MFSD6: variants seen among roughly 807,000 people sequenced by gnomAD.
The protein encoded by MFSD6 is major facilitator superfamily domain containing 6, also known as major facilitator superfamily domain-containing protein 6.
Under a neutral mutation model 56.3 loss-of-function variants are expected in MFSD6, and 26 were observed. That is an observed-to-expected ratio of 0.46 (90% CI 0.34 to 0.64). The LOEUF is 0.64. Ranked by LOEUF, MFSD6 falls within the 30% of genes least tolerant of loss-of-function variation. The pLI is 0.01. For synonymous variants in MFSD6, 331 were observed against 366.9 expected (o/e 0.90, Z 1.12); for missense variants, 750 against 986.2 (o/e 0.76, Z 3.21).
chr2:190,476,805 A>G (rs1392056874), intron 4 of MFSD6, among the ~76,000 whole-genome samples: 114 of 152,158 alleles, frequency 7.5e-4, no homozygotes, highest in Non-Finnish European at 2.2e-4. Context: ...GAACCAACCC[A>G]TATGTCCAAC....
In MFSD6 at chr2:190,471,223, G is replaced by T. The variant is rs1006580338; in HGVS notation, c.1630+1368G>T. ...CTGAGGTACCGGGTTCATCTCACTG[G>T]GGATTGTCAGGCAGTGGGTGCAGGA... On this transcript the variant is annotated intron_variant, in intron 4 of 7. Transcript: ENST00000392328. The surrounding 1 kb of genome is among the most constrained non-coding windows in gnomAD (Gnocchi z 4.7). Among the ~76,000 whole-genome samples the T allele has an allele frequency of 1.3e-5, 2 of 152,190 alleles. No homozygotes were observed. Among genetic ancestry groups the T allele is most frequent in the South Asian group, 4.1e-4 (2 of 4,826 alleles).
chr2:190,408,910 C>G lies in MFSD6; in HGVS notation c.-176+407C>G, dbSNP rs980971510. 2.0e-5 allele frequency among the ~76,000 whole-genome samples: 3 copies of G among 152,156 alleles called. No homozygotes were observed. In the East Asian group the frequency reaches 5.8e-4, roughly 29 times the overall value. ...GGGACGGAGGGTGAGCGCCGATGCC[C>G]GGGTCCTCCTCCGCCCGGGCCGACC... On this transcript the variant is annotated intron_variant, in intron 1 of 7. Transcript: ENST00000392328.
chr2:190,499,926 T>G lies in MFSD6; in HGVS notation c.2173-89T>G. 1 of 1,590,806 alleles carries G rather than the reference T, an allele frequency of 6.3e-7. No homozygotes were observed. The highest frequency in any genetic ancestry group is 8.6e-7 in the Non-Finnish European group (1 of 1,164,206). ...TGGGCACTTCCGGATGATCTCCCCA[T>G]GTTTCCTGTCTTACTTGAAAGCATA... On this transcript the variant is annotated intron_variant, in intron 7 of 7. Coordinates refer to ENST00000392328, the MANE Select transcript of MFSD6 (RefSeq NM_017694.4). This position sits in a 1 kb window ranked among gnomAD's most constrained non-coding sequence, Gnocchi z 6.0.
intron 2 of MFSD6, among the ~76,000 whole-genome samples, chr2:190,419,352 C>T (rs1169747565): frequency 6.6e-6 from 1 of 152,192 alleles, no homozygotes; most frequent in Non-Finnish European, 1.5e-5. Context: ...TCACATTTCC[C>T]AAAGCCATTG....
intron 1 of MFSD6, 35 bp downstream of exon 1, chr2:190,408,538 C>G (rs1258350190): frequency 6.6e-6 from 1 of 151,718 alleles, no homozygotes; most frequent in South Asian, 2.0e-4. Flanking sequence ...AAGGGGCTCG[C>G]AGACCCGCCC....
rs142942216 is a variant in MFSD6, at chr2:190,438,025, T to C, written c.1532+464T>C. 0.01 allele frequency among the ~76,000 whole-genome samples: 1,582 copies of C among 152,262 alleles called. 32 individuals are homozygous for C. Among genetic ancestry groups the C allele is most frequent in the African/African-American group, 0.035 (1,458 of 41,524 alleles). ...CCTGAATATATGGCATCTAAAGATG[T>C]CCATTATATCTAATAAGACTGTGAT... On this transcript the variant is annotated intron_variant, in intron 3 of 7. Coordinates refer to ENST00000392328, the MANE Select transcript of MFSD6 (RefSeq NM_017694.4). This position sits in a 1 kb window ranked among gnomAD's most constrained non-coding sequence, Gnocchi z 5.2.
Position 190,413,714 on chromosome 2 carries a change from A to T in MFSD6, c.-175-1578A>T, listed in dbSNP as rs974297551. On this transcript the variant is annotated intron_variant, in intron 1 of 7. Transcript: ENST00000392328. The surrounding 1 kb of genome is among the most constrained non-coding windows in gnomAD (Gnocchi z 4.1). ...TGGCGAGCCTGGACTGGTAGTTAGC[A>T]GTCTGTGTTGGTTATGTAGAGAGAC... 6.6e-6 allele frequency among the ~76,000 whole-genome samples: 1 copy of T among 152,174 alleles called. No homozygotes were observed. The highest frequency in any genetic ancestry group is 6.5e-5 in the Admixed American group (1 of 15,276).
rs376293045 is a variant in MFSD6 at position 190,439,935 on chromosome 2, T to C, written c.1532+2374T>C. On this transcript the variant is annotated intron_variant, in intron 3 of 7. Coordinates refer to ENST00000392328, the MANE Select transcript of MFSD6 (RefSeq NM_017694.4). This position sits in a 1 kb window ranked among gnomAD's most constrained non-coding sequence, Gnocchi z 5.8. ...ATTTTGGGAGCTCAGTCAGGTGGTATTGGTTGTGATTTGGGGATTTAAACT... is the reference window on the plus strand; with the variant it reads ...ATTTTGGGAGCTCAGTCAGGTGGTACTGGTTGTGATTTGGGGATTTAAACT... 1.2e-4 allele frequency among the ~76,000 whole-genome samples: 18 copies of C among 152,344 alleles called. No individual in the cohort carries two copies. The East Asian group carries it at 3.3e-3, about 28-fold the overall frequency.
In MFSD6 at chr2:190,454,086, A is replaced by G. The variant is rs1686886240; in HGVS notation, c.1533-15672A>G. On this transcript the variant is annotated intron_variant, in intron 3 of 7. Transcript: ENST00000392328. The surrounding 1 kb of genome is among the most constrained non-coding windows in gnomAD (Gnocchi z 4.6). ...CCAGTAAAATTATTGTAGGCCTCGC[A>G]ATTTATAGTTTTAACAAATATTTTT... 6.6e-6 allele frequency: 1 copy of G among 152,192 alleles called. No individual in the cohort carries two copies. Among genetic ancestry groups the G allele is most frequent in the African/African-American group, 2.4e-5 (1 of 41,450 alleles). The allele number at this position is 152,192 out of a possible 1,614,324, so 9.4% of individuals were successfully genotyped here. A position where few individuals can be genotyped will look rare whatever the true frequency, so the allele number is the denominator to read the frequency against.
At chr2:190,448,026 C>T (rs918961887) in intron 3 of MFSD6, among the ~76,000 whole-genome samples, 2 of 152,206 alleles carry the variant, frequency 1.3e-5, no homozygotes, top group Middle Eastern at 3.2e-3. Context: ...ACATGGTTTT[C>T]TTTCTCTTCC....
In MFSD6 at chr2:190,447,937, A is replaced by C. The variant is rs557936603; in HGVS notation, c.1532+10376A>C. On this transcript the variant is annotated intron_variant, in intron 3 of 7. Transcript: ENST00000392328. The surrounding 1 kb of genome is among the most constrained non-coding windows in gnomAD (Gnocchi z 4.5). ...ACTTATTAATAACAGCATTACTTAT[A>C]ATCAAGCTATTCATAGTTAAGAAGA... Among the ~76,000 whole-genome samples the C allele has an allele frequency of 2.0e-4, 31 of 152,350 alleles. No individual in the cohort carries two copies. The South Asian group carries it at 4.2e-3, about 20-fold the overall frequency.
At position 190,425,292 on chromosome 2, in the gene MFSD6, G is replaced by A. The variant is rs1357778772; in HGVS notation, c.-54+9879G>A. Among the ~76,000 whole-genome samples, 5 of 152,162 alleles carry A rather than the reference G, an allele frequency of 3.3e-5. No homozygotes were observed. Among genetic ancestry groups the A allele is most frequent in the Admixed American group, 3.3e-4 (5 of 15,272 alleles). ...GTCATGTTAACTGCAAATAGGGACA[G>A]TTTCTTTGTTTTTGATCTGTATGTC... On this transcript the variant is annotated intron_variant, in intron 2 of 7. Transcript: ENST00000392328. The surrounding 1 kb of genome is among the most constrained non-coding windows in gnomAD (Gnocchi z 4.3).
chr2:190,476,805 A>C (rs1392056874), intron 4 of MFSD6, among the ~76,000 whole-genome samples: 1 of 152,158 alleles, frequency 6.6e-6, no homozygotes, highest in Non-Finnish European at 1.5e-5. Context: ...GAACCAACCC[A>C]TATGTCCAAC....
Position 190,499,980 on chromosome 2 carries a change from C to G in MFSD6, c.2173-35C>G. ...AAAAAGTTGGATTTATTTGCTATCA[C>G]TGATCATGGGGCATCTCCTGTTTTT... On this transcript the variant is annotated intron_variant, in intron 7 of 7. Coordinates refer to ENST00000392328, the MANE Select transcript of MFSD6 (RefSeq NM_017694.4). The surrounding 1 kb of genome is among the most constrained non-coding windows in gnomAD (Gnocchi z 6.0). 1.2e-6 allele frequency: 2 copies of G among 1,610,684 alleles called. No homozygotes were observed. Among genetic ancestry groups the G allele is most frequent in the South Asian group, 2.2e-5 (2 of 90,944 alleles).
chr2:190,436,718 C>A lies in MFSD6; in HGVS notation c.689C>A (p.Thr230Lys). The change falls in exon 3 of 8, where the codon ACA becomes AAA. Residue 230 changes from threonine (T) to lysine (K), a missense_variant. Coordinates refer to ENST00000392328, the MANE Select transcript of MFSD6 (RefSeq NM_017694.4). The surrounding 1 kb of genome is among the most constrained non-coding windows in gnomAD (Gnocchi z 5.3). ...AGTGAACCCACTCTGCAGCCCCAGACAGGTGAAATTACTAACCGTATGATG... is the reference window on the plus strand; with the variant it reads ...AGTGAACCCACTCTGCAGCCCCAGAAAGGTGAAATTACTAACCGTATGATG... ...MNSEPTLQPQ[T>K]GEITNRMMDL... is the part of the protein sequence containing the mutation. The A allele has an allele frequency of 6.2e-7, 1 of 1,614,234 alleles. No individual in the cohort carries two copies. The highest frequency in any genetic ancestry group is 1.1e-5 in the South Asian group (1 of 91,082).
Position 190,425,665 on chromosome 2 carries a change from A to G in MFSD6, c.-54+10252A>G, listed in dbSNP as rs1341309527. On this transcript the variant is annotated intron_variant, in intron 2 of 7. Coordinates refer to ENST00000392328, the MANE Select transcript of MFSD6 (RefSeq NM_017694.4). This position sits in a 1 kb window ranked among gnomAD's most constrained non-coding sequence, Gnocchi z 4.3. ...GTAGATTGAATTGACTGACTTTGAA[A>G]TATTGCATCAGCCTTGTATTTTTGG... 6.6e-6 allele frequency among the ~76,000 whole-genome samples: 1 copy of G among 152,178 alleles called. No homozygotes were observed. The highest frequency in any genetic ancestry group is 1.5e-5 in the Non-Finnish European group (1 of 68,032).
chr2:190,426,331 G>A lies in MFSD6; in HGVS notation c.-53-9646G>A, dbSNP rs191968281. Among the ~76,000 whole-genome samples, 113 of 152,120 alleles carry A rather than the reference G, an allele frequency of 7.4e-4. 2 individuals are homozygous for A. The highest frequency in any genetic ancestry group is 7.4e-5 in the Non-Finnish European group (5 of 68,010). ...TGTCCCCTTTATTCTGCTTTATTAAGTGTATCCATTAAGATTTATTTTTGT... is the reference window on the plus strand; with the variant it reads ...TGTCCCCTTTATTCTGCTTTATTAAATGTATCCATTAAGATTTATTTTTGT... On this transcript the variant is annotated intron_variant, in intron 2 of 7. Transcript: ENST00000392328. The surrounding 1 kb of genome is among the most constrained non-coding windows in gnomAD (Gnocchi z 4.7).
rs146247672 is a variant in MFSD6, at chr2:190,411,072, A to T, written c.-176+2569A>T. Reference sequence around the variant, plus strand: ...TCTATCTCAAAAAAAAGAAAAAAAAAAACTAGCTTCAGAAGAAATTTATAT... The same window carrying T: ...TCTATCTCAAAAAAAAGAAAAAAAATAACTAGCTTCAGAAGAAATTTATAT... On this transcript the variant is annotated intron_variant, in intron 1 of 7. Transcript: ENST00000392328. 2.2e-5 allele frequency: 22 copies of T among 982,308 alleles called. No individual in the cohort carries two copies. In the African/African-American group the frequency reaches 3.3e-4, roughly 15 times the overall value. The allele number at this position is 982,308 out of a possible 1,614,324, so 60.8% of individuals were successfully genotyped here.
chr2:190,479,906 A>G (rs560517108), intron 4 of MFSD6, among the ~76,000 whole-genome samples: 1 of 152,308 alleles, frequency 6.6e-6, no homozygotes, highest in South Asian at 2.1e-4. Context: ...GACATTTATA[A>G]AGCGTTATTC....
Sources: gnomAD v4.1 joint callset for allele counts (sites outside exome capture counted in the v4.1 genomes callset) on GRCh38, gnomAD v4.1.1 for gene constraint, Gnocchi (gnomAD v3.1) non-coding constraint, MANE v1.5 for transcripts, NCBI Gene and HGNC (gene_info 2026-07-23, HGNC 2026-07-21) for gene names.